TRIOBP: variants seen among roughly 807,000 people sequenced by gnomAD.
The protein encoded by TRIOBP is TRIO and F-actin-binding protein.
TRIOBP carries 169 observed loss-of-function variants against 238.8 expected under a neutral mutation model. The observed-to-expected ratio is 0.71, with a 90% confidence interval of 0.62 to 0.80. The LOEUF (loss-of-function observed/expected upper bound fraction) is 0.80, where lower values mean the gene tolerates loss of function less well. Ranked by LOEUF, TRIOBP falls within the 30% of genes least tolerant of loss-of-function variation. The pLI is 0.00. For missense variants in TRIOBP, 2,838 were observed against 3,122.6 expected (o/e 0.91, Z 2.17); for synonymous variants, 1,150 against 1,274.4 (o/e 0.90, Z 2.08).
rs1228606922 is a variant in TRIOBP, at chr22:37,725,872, C to T, written c.3316C>T (p.Leu1106Phe). Residue 1106 changes from leucine (L) to phenylalanine (F), a missense_variant, in exon 7 of 24, where the codon CTT becomes TTT. By Grantham distance (22) the Leu-to-Phe change is conservative. Transcript: ENST00000644935. ...HQCQSPQHEP[L>F]QLPAPVCIGY... is the part of the protein sequence containing the mutation. ...GTGTCAGTCCCCCCAACACGAGCCC[C>T]TTCAGCTCCCTGCACCTGTGTGTAT... is the stretch of plus-strand genomic sequence containing the variant. The T allele has an allele frequency of 6.2e-6, 10 of 1,613,394 alleles. No individual in the cohort carries two copies. The highest frequency in any genetic ancestry group is 7.6e-6 in the Non-Finnish European group (9 of 1,179,836).
At chr22:37,711,586 A>AG (rs1923239726) in intron 4 of TRIOBP, among the ~76,000 whole-genome samples, 1 of 39,326 alleles carries the variant, frequency 2.5e-5, no homozygotes, top group East Asian at 2.9e-3. Context: ...CTCAAAAAAA[A>AG]AAAAAACAAC....
chr22:37,727,251 GGT>G (rs1491340001), intron 7 of TRIOBP, among the ~76,000 whole-genome samples: 7 of 108,008 alleles, frequency 6.5e-5, no homozygotes, highest in African/African-American at 2.1e-4. Flanking sequence ...CAGACTCATG[GGT>G]TTTTTTTTTT....
intron 11 of TRIOBP, among the ~76,000 whole-genome samples, chr22:37,744,528 G>A (rs73411507): frequency 0.043 from 6,572 of 152,200 alleles, 177 homozygotes; most frequent in Middle Eastern, 0.082. Context: ...TCTGGTCACT[G>A]TGTTGCGGGT....
chr22:37,736,115 G>A (rs1003651984), intron 9 of TRIOBP, among the ~76,000 whole-genome samples: 1 of 152,154 alleles, frequency 6.6e-6, no homozygotes, highest in Admixed American at 6.5e-5. Flanking sequence ...CCCAGCGCCG[G>A]GCACACAGTA....
intron 4 of TRIOBP, among the ~76,000 whole-genome samples, chr22:37,712,356 G>C (rs1257453704): frequency 1.3e-5 from 2 of 151,818 alleles, no homozygotes; most frequent in African/African-American, 4.8e-5. Flanking sequence ...TTTTGAGATA[G>C]AGTCTCGTGC....
At chr22:37,768,962 G>C in intron 19 of TRIOBP, 66 bp from the exon 20 acceptor site, 1 of 1,609,506 alleles carries the variant, frequency 6.2e-7, no homozygotes, top group African/African-American at 1.3e-5. Flanking sequence ...AAGTCTACCT[G>C]ACTGGACTCC....
intron 3 of TRIOBP, among the ~76,000 whole-genome samples, chr22:37,708,123 A>G (rs1481544565): frequency 1.4e-5 from 2 of 138,648 alleles, no homozygotes; most frequent in African/African-American, 5.4e-5. Flanking sequence ...GCGGGCGTCC[A>G]TAGTCCCAGC....
chr22:37,764,992 A>C (rs1156801727), intron 17 of TRIOBP, among the ~76,000 whole-genome samples: 3 of 152,200 alleles, frequency 2.0e-5, no homozygotes, highest in East Asian at 1.9e-4. Flanking sequence ...TTGCCAAAAA[A>C]ACATTCCAGG....
chr22:37,751,165 C>T (rs1339541332), intron 11 of TRIOBP: 2 of 417,986 alleles, frequency 4.8e-6, no homozygotes, highest in Non-Finnish European at 9.8e-6. Flanking sequence ...AGCCCCCAGA[C>T]CCCGGGGCTG....
intron 5 of TRIOBP, among the ~76,000 whole-genome samples, chr22:37,714,969 T>C (rs1387831178): frequency 1.3e-5 from 2 of 152,180 alleles, no homozygotes; most frequent in Non-Finnish European, 1.5e-5. Context: ...CTGTCACCTC[T>C]TGGGGACAGA....
Position 37,735,375 on chromosome 22 carries a change from G to A in TRIOBP, c.5039G>A (p.Gly1680Asp). The change falls in exon 9 of 24, where the codon GGC becomes GAC. Residue 1680 changes from glycine to aspartate, a missense_variant. By Grantham distance (94) the Gly-to-Asp change is moderately conservative. Coordinates refer to ENST00000644935, the MANE Select transcript of TRIOBP (RefSeq NM_001039141.3). ...GGACCAGCGACCGCAACTCTGGCAG[G>A]CCTGGAGCAGACGGGCCCCCTGGGG... ...TRGPATATLAGLEQTGPLGSR... is the reference protein window; with the variant it reads ...TRGPATATLADLEQTGPLGSR... 6.2e-7 allele frequency: 1 copy of A among 1,610,478 alleles called. No homozygotes were observed.
At position 37,705,702 on chromosome 22, in the gene TRIOBP, G is replaced by A. The variant is rs143532719; in HGVS notation, c.114+4223G>A. On this transcript the variant is annotated intron_variant, in intron 3 of 23. Transcript: ENST00000644935. ...GCGATTCTCCTGCCTCAGCCTCCCA[G>A]GTAGCTGAGACTACAGGCATGTACT... Among the ~76,000 whole-genome samples, 349 of 151,892 alleles carry A rather than the reference G, an allele frequency of 2.3e-3. 1 individual carries two copies. The highest frequency in any genetic ancestry group is 7.6e-3 in the African/African-American group (315 of 41,422).
intron 6 of TRIOBP, 114 bp from the exon 7 acceptor site, chr22:37,723,071 G>A (rs2145831795): frequency 9.9e-7 from 1 of 1,012,920 alleles, no homozygotes; most frequent in Non-Finnish European, 1.5e-6. Context: ...GAGACCTGTA[G>A]GAGGAGGGTG....
intron 14 of TRIOBP, 99 bp from the exon 15 acceptor site, chr22:37,755,451 G>A (rs949867570): frequency 3.7e-5 from 41 of 1,121,644 alleles, no homozygotes; most frequent in Non-Finnish European, 5.2e-5. Context: ...GACCTTAGAT[G>A]CATCCTGGGA....
At chr22:37,717,407 T>C (rs548220809) in intron 6 of TRIOBP, among the ~76,000 whole-genome samples, 1 of 152,274 alleles carries the variant, frequency 6.6e-6, no homozygotes, top group South Asian at 2.1e-4. Context: ...CAGCCTGCTT[T>C]TATTCTCTTG....
intron 5 of TRIOBP, 87 bp downstream of exon 5, chr22:37,713,498 G>A (rs1923363965): frequency 1.3e-6 from 2 of 1,512,542 alleles, no homozygotes; most frequent in Non-Finnish European, 1.8e-6. Flanking sequence ...CCAGGCCAGG[G>A]CTGAGCCTCA....
chr22:37,700,469 G>A (rs12627981), intron 2 of TRIOBP, among the ~76,000 whole-genome samples: 37,680 of 148,764 alleles, frequency 0.25, 4,983 homozygotes, highest in South Asian at 0.39. Context: ...TTTTCTCAGT[G>A]CAGTGGCACA....
chr22:37,715,099 C>T (rs887543853), intron 5 of TRIOBP, among the ~76,000 whole-genome samples: 3 of 152,206 alleles, frequency 2.0e-5, no homozygotes, highest in African/African-American at 7.2e-5. Context: ...ACTGCAACCT[C>T]TGTCTCCCAG....
chr22:37,767,315 A>AAT (rs201768507), intron 18 of TRIOBP, among the ~76,000 whole-genome samples: 5 of 147,186 alleles, frequency 3.4e-5, no homozygotes, highest in Admixed American at 1.4e-4. Flanking sequence ...AAAAAAAAAA[A>AAT]GAAAGAAAAA....
Sources: gnomAD v4.1 joint callset for allele counts (sites outside exome capture counted in the v4.1 genomes callset) on GRCh38, gnomAD v4.1.1 for gene constraint, MANE v1.5 for transcripts, NCBI Gene and HGNC (gene_info 2026-07-23, HGNC 2026-07-21) for gene names.